TGM5: variants seen among roughly 807,000 people sequenced by gnomAD.
The protein encoded by TGM5 is transglutaminase 5.
A neutral mutation model predicts 77.2 loss-of-function variants in TGM5; 69 were observed. The ratio of observed to expected loss-of-function variants is 0.89; its 90% confidence interval spans 0.74 to 1.09. The LOEUF is 1.09. Among genes scored for constraint, TGM5 ranks in the 50% least tolerant of loss-of-function variants. TGM5 has a pLI of 0.00. For synonymous variants in TGM5, 346 were observed against 351.8 expected (o/e 0.98, Z 0.18); for missense variants, 842 against 896.5 (o/e 0.94, Z 0.78).
intron 4 of TGM5, 152 bp from the exon 5 acceptor site, chr15:43,253,786 G>A: frequency 2.8e-6 from 3 of 1,078,464 alleles, no homozygotes; most frequent in Non-Finnish European, 2.8e-6. Context: ...CTCCCATTCA[G>A]GTGTGGGGTT....
intron 1 of TGM5, among the ~76,000 whole-genome samples, chr15:43,262,031 C>G (rs2042793579): frequency 6.6e-6 from 1 of 152,160 alleles, no homozygotes. Context: ...AGCATTGACC[C>G]TGTCCTCTAG....
intron 3 of TGM5, among the ~76,000 whole-genome samples, chr15:43,259,125 A>G (rs1354272174): frequency 1.3e-5 from 2 of 152,160 alleles, no homozygotes; most frequent in Admixed American, 6.5e-5. Context: ...GTCAGAAGCC[A>G]GACTTGGGAG....
intron 4 of TGM5, among the ~76,000 whole-genome samples, chr15:43,256,075 T>C (rs2042740156): frequency 6.6e-6 from 1 of 152,102 alleles, no homozygotes; most frequent in African/African-American, 2.4e-5. Context: ...ACAGTAGCCA[T>C]GGGGAGGGAG....
chr15:43,245,342 A>G (rs1013447047), intron 6 of TGM5, among the ~76,000 whole-genome samples: 1 of 152,094 alleles, frequency 6.6e-6, no homozygotes, highest in Non-Finnish European at 1.5e-5. Flanking sequence ...TTCTCCCTGA[A>G]CGCATTAAGC....
chr15:43,235,534 TGCA>T lies in TGM5; in HGVS notation c.1646_1648del (p.Leu549del). The T allele has an allele frequency of 1.2e-6, 2 of 1,614,142 alleles. No individual in the cohort carries two copies. Among genetic ancestry groups the T allele is most frequent in the Non-Finnish European group, 1.7e-6 (2 of 1,180,006 alleles). ...GAATGGGGACAGGGGGCTGCCATCG[TGCA>T]GCAGAGACTGGGCACTCAGGTTCAC... On this transcript the variant is annotated inframe_deletion, in exon 10 of 13. Transcript: ENST00000220420.
chr15:43,249,363 T>C (rs945041145), intron 6 of TGM5, among the ~76,000 whole-genome samples: 3 of 152,216 alleles, frequency 2.0e-5, no homozygotes, highest in Admixed American at 6.5e-5. Flanking sequence ...CAATCTTTAC[T>C]GTCTAACTCC....
intron 6 of TGM5, 84 bp from the exon 7 acceptor site, chr15:43,241,074 G>A: frequency 1.3e-6 from 2 of 1,574,020 alleles, no homozygotes; most frequent in South Asian, 1.1e-5. Flanking sequence ...TGGACCTGGG[G>A]AAATCTTCCA....
At chr15:43,253,725 T>C (rs1297333468) in intron 4 of TGM5, 91 bp from the exon 5 acceptor site, 1 of 1,535,852 alleles carries the variant, frequency 6.5e-7, no homozygotes, top group South Asian at 1.1e-5. Flanking sequence ...CCTAGTGGAA[T>C]ATAAACTCAC....
chr15:43,247,685 G>A (rs996209172), intron 6 of TGM5: 1 of 150,776 alleles, frequency 6.6e-6, no homozygotes, highest in Admixed American at 6.6e-5. Context: ...ATACACACGG[G>A]TCCAAGTGCA....
Position 43,241,005 on chromosome 15 carries a change from CA to C in TGM5, c.863-16del, listed in dbSNP as rs748852708. The C allele has an allele frequency of 1.3e-5, 21 of 1,614,036 alleles. No homozygotes were observed. The South Asian group carries it at 1.6e-4, about 13-fold the overall frequency. On this transcript the variant is annotated splice_polypyrimidine_tract_variant and intron_variant, in intron 6 of 12. Transcript: ENST00000220420. ...ACACCTCATCACTGCAAAAAGGGCA[CA>C]AAAAAATCACCTGTGAGCTGTAGAT...
At chr15:43,257,225 T>C (rs1330465237) in intron 3 of TGM5, among the ~76,000 whole-genome samples, 4 of 152,216 alleles carry the variant, frequency 2.6e-5, no homozygotes, top group Non-Finnish European at 5.9e-5. Flanking sequence ...TCTGAAAAGC[T>C]GGAAACCACC....
chr15:43,258,167 A>G (rs2142379328), intron 3 of TGM5, among the ~76,000 whole-genome samples: 1 of 152,158 alleles, frequency 6.6e-6, no homozygotes, highest in African/African-American at 2.4e-5. Flanking sequence ...AACATGGCAC[A>G]TGTATACATA....
intron 3 of TGM5, among the ~76,000 whole-genome samples, chr15:43,257,443 G>A (rs1051199680): frequency 1.3e-4 from 20 of 152,184 alleles, no homozygotes; most frequent in African/African-American, 4.8e-4. Context: ...TATGAACAGA[G>A]GGTTTTGAAG....
At chr15:43,260,319 G>T (rs1010381054) in intron 2 of TGM5, 22 bp from the exon 3 acceptor site, 2 of 1,614,004 alleles carry the variant, frequency 1.2e-6, no homozygotes, top group African/African-American at 1.3e-5. Context: ...GTAGAGCTGA[G>T]GCCCTCCATG....
intron 6 of TGM5, among the ~76,000 whole-genome samples, chr15:43,249,168 G>C (rs1184684471): frequency 6.6e-6 from 1 of 152,112 alleles, no homozygotes; most frequent in East Asian, 1.9e-4. Flanking sequence ...CTCAGCCCAA[G>C]TCATTGCTGT....
At chr15:43,248,006 T>C (rs969564215) in intron 6 of TGM5, among the ~76,000 whole-genome samples, 7 of 152,108 alleles carry the variant, frequency 4.6e-5, no homozygotes, top group Non-Finnish European at 5.9e-5. Flanking sequence ...AAATTAATTT[T>C]AATAAGAAGG....
At position 43,240,840 on chromosome 15, in the gene TGM5, G is replaced by T. The variant is rs1293845522; in HGVS notation, c.1001+12C>A. The T allele has an allele frequency of 6.2e-7, 1 of 1,614,064 alleles. No homozygotes were observed. The highest frequency in any genetic ancestry group is 1.1e-5 in the South Asian group (1 of 91,080). On this transcript the variant is annotated intron_variant, in intron 7 of 12. Coordinates refer to ENST00000220420, the MANE Select transcript of TGM5 (RefSeq NM_201631.4). ...TGTGGCCCTAGAAATAGGTTGAGAG[G>T]TTGTTTCTCACCAGATAGTATCCTT...
In TGM5 at chr15:43,232,917, T is replaced by A. The variant is rs759362770; in HGVS notation, c.*274A>T. Reference sequence around the variant, plus strand: ...GTTCTCTGGATGCTGGAGTCTCCTATTCATTCATTCAAAAAATATTTGTTG... The same window carrying A: ...GTTCTCTGGATGCTGGAGTCTCCTAATCATTCATTCAAAAAATATTTGTTG... On this transcript the variant is annotated 3_prime_UTR_variant, in exon 13 of 13. Coordinates refer to ENST00000220420, the MANE Select transcript of TGM5 (RefSeq NM_201631.4). 2.2e-6 allele frequency: 1 copy of A among 451,224 alleles called. No individual in the cohort carries two copies. The highest frequency in any genetic ancestry group is 4.1e-6 in the Non-Finnish European group (1 of 245,566). The allele number at this position is 451,224 out of a possible 1,614,324, so 28.0% of individuals were successfully genotyped here. A position where few individuals can be genotyped will look rare whatever the true frequency, so the allele number is the denominator to read the frequency against.
At chr15:43,239,787 G>A in intron 7 of TGM5, 1 of 179,794 alleles carries the variant, frequency 5.6e-6, no homozygotes, top group South Asian at 1.1e-4. Flanking sequence ...GGCTTCCAGA[G>A]TCCACTGAAG....
Sources: allele counts gnomAD v4.1 joint callset (sites outside exome capture counted in the v4.1 genomes callset), GRCh38; gene constraint gnomAD v4.1.1; transcripts MANE v1.5; gene names NCBI Gene and HGNC (gene_info 2026-07-23, HGNC 2026-07-21).